REDIC1: variants seen among roughly 807,000 people sequenced by gnomAD.
REDIC1 encodes regulator of DNA class I crossover intermediates 1, also known as HEI10 Interacting Protein 1.
At chr12:39,705,943 C>CT in the REDIC1 span, among the ~76,000 whole-genome samples, 1 of 151,884 alleles carries the variant, frequency 6.6e-6, no homozygotes, top group African/African-American at 2.4e-5. Context: ...ACATAGTACT[C>CT]TAAGTTCTAC....
At chr12:39,713,335 C>T in the REDIC1 span, among the ~76,000 whole-genome samples, 2 of 139,682 alleles carry the variant, frequency 1.4e-5, no homozygotes, top group Non-Finnish European at 3.1e-5. Flanking sequence ...TACACATATA[C>T]GTGTATATAT....
At chr12:39,702,556 A>G in the REDIC1 span, among the ~76,000 whole-genome samples, 277 of 152,280 alleles carry the variant, frequency 1.8e-3, no homozygotes, top group African/African-American at 5.9e-3. Context: ...TCAATAGGAA[A>G]AGAGGGAATC....
the REDIC1 span, among the ~76,000 whole-genome samples, chr12:39,852,003 T>C: frequency 4.9e-4 from 74 of 152,322 alleles, no homozygotes; most frequent in African/African-American, 1.7e-3. Context: ...CAATGCAATG[T>C]TGGAAAATGT....
the REDIC1 span, among the ~76,000 whole-genome samples, chr12:39,752,422 C>G: frequency 4.6e-5 from 7 of 152,092 alleles, no homozygotes; most frequent in Admixed American, 4.6e-4. Context: ...CCCATCAATC[C>G]CCAACCTCCT....
chr12:39,896,249 CATGTATGTATATGTGTGTATATATGT>C, the REDIC1 span, among the ~76,000 whole-genome samples: 46 of 92,524 alleles, frequency 5.0e-4, no homozygotes, highest in Non-Finnish European at 9.5e-4. Flanking sequence ...TATATGTATA[CATGTATGTATATGTGTGTATATATGT>C]ATACATGTAT....
At chr12:39,633,797 T>C in the REDIC1 span, among the ~76,000 whole-genome samples, 12 of 152,318 alleles carry the variant, frequency 7.9e-5, no homozygotes, top group Admixed American at 5.2e-4. Flanking sequence ...CGTTACGCAG[T>C]GTGTGATTTT....
the REDIC1 span, among the ~76,000 whole-genome samples, chr12:39,713,316 A>T: frequency 1.4e-5 from 2 of 140,744 alleles, 1 homozygote; most frequent in Non-Finnish European, 3.1e-5. Context: ...ATACGTGTAT[A>T]TATGTGTATA....
chr12:39,755,798 GTACATA>G, the REDIC1 span: 1 of 151,874 alleles, frequency 6.6e-6, no homozygotes, highest in African/African-American at 2.4e-5. Flanking sequence ...TATATATTTT[GTACATA>G]TAAAGATTTA....
chr12:39,765,454 T>C, the REDIC1 span, among the ~76,000 whole-genome samples: 1 of 152,186 alleles, frequency 6.6e-6, no homozygotes, highest in South Asian at 2.1e-4. Flanking sequence ...TTTAGATCCA[T>C]TCTGAAGTTG....
chr12:39,837,321 C>T, the REDIC1 span, among the ~76,000 whole-genome samples: 2 of 145,890 alleles, frequency 1.4e-5, no homozygotes, highest in African/African-American at 5.1e-5. Flanking sequence ...CTTCCTTACA[C>T]CTTATACAAA....
the REDIC1 span, among the ~76,000 whole-genome samples, chr12:39,664,603 G>T: frequency 1.1e-4 from 16 of 152,262 alleles, no homozygotes; most frequent in Middle Eastern, 3.4e-3. Context: ...TAATGGGATT[G>T]CTGGGTCAAA....
the REDIC1 span, among the ~76,000 whole-genome samples, chr12:39,895,265 C>T: frequency 1.3e-5 from 2 of 151,444 alleles, no homozygotes; most frequent in African/African-American, 4.9e-5. Context: ...CCGAGGCGGG[C>T]GGATCATGAG....
chr12:39,728,693 A>G, the REDIC1 span, among the ~76,000 whole-genome samples: 28 of 143,862 alleles, frequency 1.9e-4, no homozygotes, highest in Middle Eastern at 0.012. Flanking sequence ...CTCTTTTTCT[A>G]TTGTTTGGAG....
chr12:39,890,383 C>G, the REDIC1 span, among the ~76,000 whole-genome samples: 1 of 152,052 alleles, frequency 6.6e-6, no homozygotes, highest in African/African-American at 2.4e-5. Flanking sequence ...TCCTACTTCC[C>G]TAAATATGTG....
the REDIC1 span, among the ~76,000 whole-genome samples, chr12:39,727,099 C>T: frequency 6.6e-6 from 1 of 152,002 alleles, no homozygotes; most frequent in African/African-American, 2.4e-5. Context: ...CAAAAATTTT[C>T]TCCCATTCTG....
At chr12:39,710,967 G>C in the REDIC1 span, among the ~76,000 whole-genome samples, 1 of 151,088 alleles carries the variant, frequency 6.6e-6, no homozygotes, top group Non-Finnish European at 1.5e-5. Flanking sequence ...CTTTAGTGGT[G>C]ATTTGTGAGA....
chr12:39,712,714 G>C, the REDIC1 span, among the ~76,000 whole-genome samples: 2 of 33,086 alleles, frequency 6.0e-5, no homozygotes, highest in South Asian at 5.0e-4. Flanking sequence ...TATGTATATA[G>C]ACGTATACGT....
At chr12:39,783,837 G>C in the REDIC1 span, among the ~76,000 whole-genome samples, 1 of 152,146 alleles carries the variant, frequency 6.6e-6, no homozygotes, top group African/African-American at 2.4e-5. Context: ...CATCGTCGCA[G>C]CCTAAAATCT....
the REDIC1 span, among the ~76,000 whole-genome samples, chr12:39,631,362 C>T: frequency 1.3e-5 from 2 of 151,968 alleles, no homozygotes; most frequent in African/African-American, 2.4e-5. Context: ...TAATTCTGCA[C>T]AAGATTTAAT....
Sources: allele counts gnomAD v4.1 joint callset (sites outside exome capture counted in the v4.1 genomes callset), GRCh38; gene constraint gnomAD v4.1.1; transcripts MANE v1.5; gene names NCBI Gene and HGNC (gene_info 2026-07-23, HGNC 2026-07-21).